The following ANKRD36 variants were observed in gnomAD, a reference collection of about 807,000 sequenced individuals.
ANKRD36 encodes ankyrin repeat domain 36.
ANKRD36 carries 179 observed loss-of-function variants against 278.1 expected under a neutral mutation model. The observed-to-expected ratio is 0.64, with a 90% CI of 0.57 to 0.73. The LOEUF is 0.73. ANKRD36 is among the 30% of genes least tolerant of loss of function. ANKRD36 has a pLI of 0.00. For missense variants in ANKRD36, 1,159 were observed against 1,956.7 expected (o/e 0.59, Z 7.69); for synonymous variants, 320 against 641.1 (o/e 0.50, Z 7.57).
At chr2:97,196,509 A>G (rs1575666611) in intron 40 of ANKRD36, 84 bp from the exon 41 acceptor site, 2 of 1,585,150 alleles carry the variant, frequency 1.3e-6, no homozygotes, top group African/African-American at 1.4e-5. Flanking sequence ...AGGAGGACAG[A>G]GGTTGATGCT....
chr2:97,129,430 A>C lies in ANKRD36; in HGVS notation c.799+2296A>C, dbSNP rs2039488702. ...CTCCCATTCTGTAGGTTGTCTGTTCACTCTGATGGTAATTTCTTTTGCTGT... is the reference window on the plus strand; with the variant it reads ...CTCCCATTCTGTAGGTTGTCTGTTCCCTCTGATGGTAATTTCTTTTGCTGT... On this transcript the variant is annotated intron_variant, in intron 6 of 75. Transcript: ENST00000420699. Among the ~76,000 whole-genome samples the C allele has an allele frequency of 2.6e-5, 4 of 151,628 alleles. No homozygotes were observed. In the South Asian group the frequency reaches 8.4e-4, roughly 32 times the overall value.
chr2:97,173,563 A>G (rs1278764227), intron 22 of ANKRD36, among the ~76,000 whole-genome samples: 1 of 151,922 alleles, frequency 6.6e-6, no homozygotes, highest in Non-Finnish European at 1.5e-5. Context: ...GGGATTGTAC[A>G]GATGTCACAT....
chr2:97,177,980 A>G (rs2054840038), intron 22 of ANKRD36, among the ~76,000 whole-genome samples: 1 of 149,062 alleles, frequency 6.7e-6, no homozygotes, highest in African/African-American at 2.5e-5. Flanking sequence ...CAAATTTACA[A>G]GAAAAAAACA....
At chr2:97,205,583 T>C (rs1214136038) in intron 50 of ANKRD36, among the ~76,000 whole-genome samples, 1 of 151,524 alleles carries the variant, frequency 6.6e-6, no homozygotes, top group Non-Finnish European at 1.5e-5. Context: ...TGTGGGATCA[T>C]GTAGCACCTG....
chr2:97,215,943 T>C, intron 62 of ANKRD36: 1 of 340,798 alleles, frequency 2.9e-6, no homozygotes, highest in Non-Finnish European at 5.1e-6. Flanking sequence ...GTAATTATTT[T>C]CCGCAAGGAA....
intron 46 of ANKRD36, among the ~76,000 whole-genome samples, chr2:97,200,913 C>A (rs575849583): frequency 3.3e-5 from 5 of 151,882 alleles, no homozygotes; most frequent in Non-Finnish European, 5.9e-5. Context: ...TTCATTATAA[C>A]CCGTAGACAC....
In ANKRD36 at chr2:97,207,828, T is replaced by C. The variant is rs201536326; in HGVS notation, c.3181T>C (p.Ser1061Pro). 1.1e-4 allele frequency: 176 copies of C among 1,546,752 alleles called. No individual in the cohort carries two copies. The highest frequency in any genetic ancestry group is 1.4e-4 in the Non-Finnish European group (162 of 1,144,614). ...CTTTTCAGTGTCTTCTGAGAAACCA[T>C]CAGGCTTGAAGGTAATGAAACTGTC... ...KSRTVSSEKP[S>P]GLKATSAEKD... is the part of the protein sequence containing the mutation. Residue 1061 changes from serine to proline, a missense_variant, in exon 53 of 76, where the codon TCA becomes CCA. Coordinates refer to ENST00000420699, the MANE Select transcript of ANKRD36 (RefSeq NM_001354587.1).
At chr2:97,157,862 C>A (rs530664886) in intron 15 of ANKRD36, among the ~76,000 whole-genome samples, 2 of 151,762 alleles carry the variant, frequency 1.3e-5, no homozygotes. Context: ...TAATGGATAT[C>A]ATAGTATTTG....
At chr2:97,164,812 A>G (rs929478749) in intron 20 of ANKRD36, among the ~76,000 whole-genome samples, 5 of 152,262 alleles carry the variant, frequency 3.3e-5, no homozygotes, top group Non-Finnish European at 5.9e-5. Context: ...TGTCTTCTTC[A>G]TCTAGAGAAA....
chr2:97,155,359 C>A (rs534899601), intron 15 of ANKRD36, among the ~76,000 whole-genome samples: 4 of 145,034 alleles, frequency 2.8e-5, no homozygotes, highest in African/African-American at 9.7e-5. Context: ...TGTAGTCCCA[C>A]CTACTCAAGA....
At chr2:97,179,830 T>C in intron 23 of ANKRD36, 31 bp from the exon 24 acceptor site, 1 of 1,601,762 alleles carries the variant, frequency 6.2e-7, no homozygotes, top group African/African-American at 1.3e-5. Context: ...CTACTTTACA[T>C]ATTGATTATT....
chr2:97,146,643 A>G lies in ANKRD36; in HGVS notation c.1034+127A>G, dbSNP rs571400930. 1.4e-4 allele frequency: 114 copies of G among 823,364 alleles called. 1 individual carries two copies. In the African/African-American group the frequency reaches 1.8e-3, roughly 13 times the overall value. 51.0% of individuals were successfully genotyped at this position (823,364 alleles called of 1,614,324 possible). A position where few individuals can be genotyped will look rare whatever the true frequency, so the allele number is the denominator to read the frequency against. On this transcript the variant is annotated intron_variant, in intron 11 of 75. Coordinates refer to ENST00000420699, the MANE Select transcript of ANKRD36 (RefSeq NM_001354587.1). ...TTACATGCTTAATATTTATCATGTC[A>G]TGTCATCTCCACACAGCTTTACAAA...
chr2:97,141,100 G>A (rs867725919), intron 6 of ANKRD36, among the ~76,000 whole-genome samples: 3 of 151,244 alleles, frequency 2.0e-5, no homozygotes, highest in Non-Finnish European at 4.4e-5. Flanking sequence ...GGCTGAGGTA[G>A]TTATTTCATA....
At position 97,154,934 on chromosome 2, in the gene ANKRD36, G is replaced by T. The variant is rs1410781410; in HGVS notation, c.1260+193G>T. On this transcript the variant is annotated intron_variant, in intron 15 of 75. Transcript: ENST00000420699. ...TAATTTTTTTTTACTTTGCAAATAA[G>T]AAATAGTTGATAAATACTTTGAGAG... Among the ~76,000 whole-genome samples the T allele has an allele frequency of 2.1e-5, 3 of 144,166 alleles. 1 individual carries two copies. Among genetic ancestry groups the T allele is most frequent in the South Asian group, 2.1e-4 (1 of 4,716 alleles). 94.6% of individuals were successfully genotyped at this position (144,166 alleles called of 152,430 possible). A position where few individuals can be genotyped will look rare whatever the true frequency, so the allele number is the denominator to read the frequency against.
chr2:97,150,534 G>A (rs2045635313), intron 12 of ANKRD36, among the ~76,000 whole-genome samples: 1 of 152,224 alleles, frequency 6.6e-6, no homozygotes, highest in African/African-American at 2.4e-5. Context: ...TAATATGCAT[G>A]ACATATCTAA....
At chr2:97,140,098 T>C (rs1231296295) in intron 6 of ANKRD36, among the ~76,000 whole-genome samples, 1 of 151,894 alleles carries the variant, frequency 6.6e-6, no homozygotes, top group African/African-American at 2.4e-5. Context: ...AATGAAAATA[T>C]TTCTGTTCCA....
rs545843060 is a variant in ANKRD36 at position 97,178,707 on chromosome 2, T to C, written c.1634-1031T>C. On this transcript the variant is annotated intron_variant, in intron 22 of 75. Coordinates refer to ENST00000420699, the MANE Select transcript of ANKRD36 (RefSeq NM_001354587.1). The stretch of plus-strand genomic sequence containing the variant: ...GTGGGGGGAGGGGAGAGGGATAGCA[T>C]TGGGAGATATACCTAATGCTAGATG... 1.9e-4 allele frequency among the ~76,000 whole-genome samples: 29 copies of C among 149,186 alleles called. 1 individual carries two copies. The highest frequency in any genetic ancestry group is 3.4e-3 in the Middle Eastern group (1 of 292).
Position 97,158,143 on chromosome 2 carries a change from A to C in ANKRD36, c.1297A>C (p.Ile433Leu). 2 of 1,514,042 alleles carry C rather than the reference A, an allele frequency of 1.3e-6. 1 individual carries two copies. The highest frequency in any genetic ancestry group is 1.8e-6 in the Non-Finnish European group (2 of 1,127,076). The allele number at this position is 1,514,042 out of a possible 1,614,324, so 93.8% of individuals were successfully genotyped here. A position where few individuals can be genotyped will look rare whatever the true frequency, so the allele number is the denominator to read the frequency against. ...SEPYFTNRRT[I>L]SQQSAENLDA... ...ACCATACTTTACGAACAGAAGGACT[A>C]TTTCTCAACAATCTGCAGAAAATTG... The change falls in exon 16 of 76, where the codon ATT becomes CTT. Residue 433 changes from isoleucine to leucine, a missense_variant. Physicochemically the swap from Ile to Leu is conservative, Grantham distance 5 (BLOSUM62 2). Coordinates refer to ENST00000420699, the MANE Select transcript of ANKRD36 (RefSeq NM_001354587.1).
intron 46 of ANKRD36, 118 bp from the exon 47 acceptor site, chr2:97,202,084 A>T (rs2061529624): frequency 6.4e-7 from 1 of 1,556,360 alleles, no homozygotes; most frequent in Non-Finnish European, 8.6e-7. Context: ...AGTAGAAGCC[A>T]TGAAGGCCTA....
Sources: gnomAD v4.1 joint callset for allele counts (sites outside exome capture counted in the v4.1 genomes callset) on GRCh38, gnomAD v4.1.1 for gene constraint, MANE v1.5 for transcripts, NCBI Gene and HGNC (gene_info 2026-07-23, HGNC 2026-07-21) for gene names.